Variants in GRM7 observed in about 807,000 individuals in gnomAD.
The protein encoded by GRM7 is glutamate metabotropic receptor 7.
GRM7 carries 35 observed loss-of-function variants against 84.5 expected under a neutral mutation model. The observed-to-expected ratio is 0.41, with a 90% CI of 0.32 to 0.55. The LOEUF (loss-of-function observed/expected upper bound fraction) is 0.55, where lower values mean the gene tolerates loss of function less well. GRM7 is among the 20% of genes least tolerant of loss of function. GRM7 has a pLI of 0.19. For synonymous variants in GRM7, 487 were observed against 455.1 expected (o/e 1.07, Z -0.89); for missense variants, 1,003 against 1,194.6 (o/e 0.84, Z 2.36).
chr3:7,054,629 T>C (rs894189339), intron 1 of GRM7, among the ~76,000 whole-genome samples: 2 of 151,954 alleles, frequency 1.3e-5, no homozygotes, highest in African/African-American at 4.8e-5. Flanking sequence ...GTTCCTTCTA[T>C]TTTTAATCAT....
intron 4 of GRM7, among the ~76,000 whole-genome samples, chr3:7,352,532 AAATC>A (rs1693206316): frequency 6.6e-6 from 1 of 152,090 alleles, no homozygotes; most frequent in South Asian, 2.1e-4. Context: ...AAATTACTGA[AAATC>A]AAACACAAGT....
chr3:6,980,181 G>C (rs1370603920), intron 1 of GRM7, among the ~76,000 whole-genome samples: 2 of 151,930 alleles, frequency 1.3e-5, no homozygotes, highest in African/African-American at 4.8e-5. Flanking sequence ...CTAATGAAGA[G>C]GCCTTGGGAA....
At chr3:7,428,114 C>A (rs562922092) in intron 5 of GRM7, among the ~76,000 whole-genome samples, 3 of 152,108 alleles carry the variant, frequency 2.0e-5, no homozygotes, top group African/African-American at 7.2e-5. Context: ...ACAGAAAACA[C>A]GGGTTTCTGA....
intron 9 of GRM7, among the ~76,000 whole-genome samples, chr3:7,683,607 A>G (rs1262766004): frequency 1.3e-5 from 2 of 152,204 alleles, no homozygotes; most frequent in African/African-American, 2.4e-5. Context: ...TATCTGCACA[A>G]AAGCTGTCCA....
intron 8 of GRM7, among the ~76,000 whole-genome samples, chr3:7,660,300 G>A (rs944481622): frequency 6.6e-6 from 1 of 152,104 alleles, no homozygotes; most frequent in African/African-American, 2.4e-5. Flanking sequence ...CATGCCTATA[G>A]TACCACCCAT....
intron 1 of GRM7, among the ~76,000 whole-genome samples, chr3:7,101,597 ATATT>A (rs1405470973): frequency 1.3e-5 from 2 of 151,188 alleles, no homozygotes; most frequent in Non-Finnish European, 3.0e-5. Flanking sequence ...TCTTATTAGT[ATATT>A]TATTCTATTT....
intron 2 of GRM7, among the ~76,000 whole-genome samples, chr3:7,181,107 G>A (rs1371699713): frequency 3.3e-5 from 5 of 152,052 alleles, no homozygotes; most frequent in East Asian, 1.9e-4. Context: ...ATATAGAGAC[G>A]GAGAAGATTT....
In GRM7 at chr3:7,137,223, C is replaced by G. The variant is rs187820831; in HGVS notation, c.520-9229C>G. ...AACTATTCTTGAAATTGTTTTTTCC[C>G]CTAGCATTGTTTCTCCTAGAGTTAC... is the stretch of plus-strand genomic sequence containing the variant. On this transcript the variant is annotated intron_variant, in intron 1 of 9. Transcript: ENST00000357716. Among the ~76,000 whole-genome samples the G allele has an allele frequency of 4.0e-5, 6 of 151,666 alleles. No homozygotes were observed. In the East Asian group the frequency reaches 1.2e-3, roughly 29 times the overall value.
At chr3:7,014,629 T>A (rs1286546528) in intron 1 of GRM7, among the ~76,000 whole-genome samples, 1 of 152,204 alleles carries the variant, frequency 6.6e-6, no homozygotes. Flanking sequence ...ATTAGCATAT[T>A]TTGAAAACAA....
chr3:7,617,400 A>ACTT (rs956469670), intron 8 of GRM7, among the ~76,000 whole-genome samples: 5 of 152,136 alleles, frequency 3.3e-5, no homozygotes. Flanking sequence ...TTCAACCCAT[A>ACTT]CTTCATGTCT....
intron 8 of GRM7, among the ~76,000 whole-genome samples, chr3:7,640,185 G>A (rs1698302982): frequency 6.6e-6 from 1 of 152,118 alleles, no homozygotes; most frequent in African/African-American, 2.4e-5. Context: ...CGCATGTTGG[G>A]CAAATGATCA....
chr3:7,055,350 C>G (rs1360708714), intron 1 of GRM7, among the ~76,000 whole-genome samples: 1 of 151,778 alleles, frequency 6.6e-6, no homozygotes, highest in East Asian at 1.9e-4. Flanking sequence ...CATCCTTCTT[C>G]AAATCTGTTC....
intron 5 of GRM7, among the ~76,000 whole-genome samples, chr3:7,424,462 A>C (rs1190910138): frequency 1.3e-5 from 2 of 152,124 alleles, no homozygotes; most frequent in African/African-American, 4.8e-5. Context: ...TGTTTACGTT[A>C]TTCTAGTTGA....
intron 7 of GRM7, among the ~76,000 whole-genome samples, chr3:7,550,573 C>CTG (rs1212112309): frequency 2.9e-3 from 173 of 60,644 alleles, no homozygotes; most frequent in Non-Finnish European, 4.5e-3. Context: ...CTCTCTCTCT[C>CTG]TCTCTGTGTG....
chr3:7,729,123 A>C (rs1014482224), intron 9 of GRM7, among the ~76,000 whole-genome samples: 1 of 149,396 alleles, frequency 6.7e-6, no homozygotes, highest in African/African-American at 2.5e-5. Context: ...AGTAAATTTT[A>C]TATTTGCAAA....
intron 1 of GRM7, among the ~76,000 whole-genome samples, chr3:6,991,441 C>T (rs559236644): frequency 2.6e-5 from 4 of 151,952 alleles, no homozygotes; most frequent in African/African-American, 4.8e-5. Flanking sequence ...ATTTAGTATT[C>T]GAAGCAAATG....
intron 2 of GRM7, among the ~76,000 whole-genome samples, chr3:7,283,745 C>A (rs1209725194): frequency 6.6e-6 from 1 of 152,138 alleles, no homozygotes; most frequent in East Asian, 1.9e-4. Context: ...TTGAAAAATT[C>A]TTTGAAGTTC....
At chr3:7,009,308 A>T (rs1466227312) in intron 1 of GRM7, among the ~76,000 whole-genome samples, 1 of 152,198 alleles carries the variant, frequency 6.6e-6, no homozygotes, top group Non-Finnish European at 1.5e-5. Context: ...TGGGTGCCAA[A>T]TATTGTACTA....
Position 7,585,215 on chromosome 3 carries a change from G to A in GRM7, c.2451+5858G>A, listed in dbSNP as rs114711225. Among the ~76,000 whole-genome samples the A allele has an allele frequency of 3.9e-3, 600 of 152,280 alleles. 5 individuals are homozygous for A. Among genetic ancestry groups the A allele is most frequent in the African/African-American group, 0.014 (575 of 41,544 alleles). ...CTGCTGTTTGGTTTTGTCTGTTCAC[G>A]TTCCCATCAGAAGCCTATGAAACTA... On this transcript the variant is annotated intron_variant, in intron 8 of 9. Transcript: ENST00000357716.
Sources: allele counts gnomAD v4.1 joint callset (sites outside exome capture counted in the v4.1 genomes callset), GRCh38; gene constraint gnomAD v4.1.1; transcripts MANE v1.5; gene names NCBI Gene and HGNC (gene_info 2026-07-23, HGNC 2026-07-21).